The following ALS2 variants were observed in gnomAD, a reference collection of about 807,000 sequenced individuals.
ALS2 encodes alsin Rho guanine nucleotide exchange factor ALS2.
In ALS2, 117 loss-of-function variants were observed where a neutral mutation model predicts 203.4. That is an observed-to-expected ratio of 0.58 (90% CI 0.50 to 0.67). The LOEUF (loss-of-function observed/expected upper bound fraction) is 0.67, where lower values mean the gene tolerates loss of function less well. ALS2 is among the 30% of genes least tolerant of loss of function. ALS2 has a pLI of 0.00. For synonymous variants in ALS2, 718 were observed against 725.9 expected, an observed-to-expected ratio of 0.99 and a Z score of 0.17; for missense variants, 1,715 against 1,989.4, an observed-to-expected ratio of 0.86 and a Z score of 2.62.
intron 13 of ALS2, among the ~76,000 whole-genome samples, chr2:201,732,525 G>A (rs1388732936): frequency 1.3e-5 from 2 of 151,836 alleles, no homozygotes; most frequent in Admixed American, 6.6e-5. Context: ...CCAAGATTGC[G>A]CCACTGCACT....
At chr2:201,730,936 G>A (rs1410116549) in intron 13 of ALS2, among the ~76,000 whole-genome samples, 1 of 152,192 alleles carries the variant, frequency 6.6e-6, no homozygotes, top group African/African-American at 2.4e-5. Context: ...ACAATACAGT[G>A]GAAAAGGCAA....
rs377174814 is a variant in ALS2 at position 201,710,016 on chromosome 2, G to A, written c.4145C>T (p.Pro1382Leu). ...LIKACDTPLHPLGRLVETLVA... is the reference protein window; with the variant it reads ...LIKACDTPLHLLGRLVETLVA... ...CAGTGTCTCCACAAGCCTGCCCAGGGGGTGCAGAGGAGTGTCACAGGCCTG... is the reference window on the plus strand; with the variant it reads ...CAGTGTCTCCACAAGCCTGCCCAGGAGGTGCAGAGGAGTGTCACAGGCCTG... The change falls in exon 27 of 34, where the codon CCC (proline) becomes CTC (leucine). Residue 1382 changes from proline to leucine, a missense_variant. Pro to Leu is a moderately conservative substitution (Grantham distance 98). This residue lies in a region of ALS2 where 1,227 missense variants were observed against 1,413.5 expected (regional missense o/e 0.87). Coordinates refer to ENST00000264276, the MANE Select transcript of ALS2 (RefSeq NM_020919.4). The A allele has an allele frequency of 1.1e-5, 17 of 1,613,738 alleles. No homozygotes were observed. Among genetic ancestry groups the A allele is most frequent in the East Asian group, 6.7e-5 (3 of 44,894 alleles).
At chr2:201,725,507 C>T in intron 19 of ALS2, 53 bp from the exon 20 acceptor site, 2 of 1,381,954 alleles carry the variant, frequency 1.4e-6, no homozygotes. Context: ...GACATATTCA[C>T]CTTTTGTATG....
chr2:201,712,047 A>C (rs1270304445), intron 25 of ALS2, among the ~76,000 whole-genome samples: 1 of 152,196 alleles, frequency 6.6e-6, no homozygotes, highest in Non-Finnish European at 1.5e-5. Flanking sequence ...TCATGAATGA[A>C]ATACTAAAAT....
intron 1 of ALS2, among the ~76,000 whole-genome samples, chr2:201,774,362 A>G (rs1245802431): frequency 1.3e-5 from 2 of 152,200 alleles, no homozygotes; most frequent in African/African-American, 4.8e-5. Flanking sequence ...TACAGATATA[A>G]GCAGAATTAT....
chr2:201,703,456 G>A (rs1452752868), intron 33 of ALS2, among the ~76,000 whole-genome samples: 1 of 152,156 alleles, frequency 6.6e-6, no homozygotes, highest in East Asian at 1.9e-4. Flanking sequence ...GTATTCCTGT[G>A]ACAGTCACAT....
chr2:201,778,654 G>A (rs1260568663), intron 1 of ALS2, among the ~76,000 whole-genome samples: 3 of 152,050 alleles, frequency 2.0e-5, no homozygotes, highest in Non-Finnish European at 4.4e-5. Context: ...TCTTATTACA[G>A]ACAACAAAAT....
chr2:201,704,281 C>G, intron 32 of ALS2, 63 bp from the exon 33 acceptor site: 1 of 1,532,324 alleles, frequency 6.5e-7, no homozygotes, highest in Non-Finnish European at 9.0e-7. Context: ...CCTTTTGAAT[C>G]TAGTTGATGG....
intron 13 of ALS2, among the ~76,000 whole-genome samples, chr2:201,730,912 C>T (rs1315023301): frequency 6.6e-6 from 1 of 152,184 alleles, no homozygotes; most frequent in Non-Finnish European, 1.5e-5. Flanking sequence ...ACTTTTGCAC[C>T]ATCAGTGTAA....
In ALS2 at chr2:201,730,893, C is replaced by T. The variant is rs537644464; in HGVS notation, c.2581-1710G>A. ...TCCTACCAAGGAGCCAGCAGTTTTA[C>T]CCACCTTAACTTTTGCACCATCAGT... On this transcript the variant is annotated intron_variant, in intron 13 of 33. Transcript: ENST00000264276. 2.0e-5 allele frequency among the ~76,000 whole-genome samples: 3 copies of T among 152,346 alleles called. No homozygotes were observed. The East Asian group carries it at 5.8e-4, about 29-fold the overall frequency.
chr2:201,729,812 C>T (rs1335639029), intron 13 of ALS2, among the ~76,000 whole-genome samples: 6 of 128,460 alleles, frequency 4.7e-5, no homozygotes, highest in East Asian at 5.5e-4. Flanking sequence ...ACCCGGGAGG[C>T]GGAGCTTGCA....
At position 201,729,184 on chromosome 2, in the gene ALS2, C is replaced by G. The variant is rs1057524355; in HGVS notation, c.2581-1G>C. 1 of 1,612,634 alleles carries G rather than the reference C, an allele frequency of 6.2e-7. No homozygotes were observed. Among genetic ancestry groups the G allele is most frequent in the Non-Finnish European group, 8.5e-7 (1 of 1,179,634 alleles). On this transcript the variant is annotated splice_acceptor_variant, in intron 13 of 33. Transcript: ENST00000264276. LOFTEE classifies it high-confidence loss of function. ...GCAGTTTCTGATATTCTGGAGATGC[C>G]TACAGGGCAAAAATTAAAGAGGAAA...
chr2:201,733,329 G>A lies in ALS2; in HGVS notation c.2527C>T (p.Arg843Ter), dbSNP rs745657866. The A allele has an allele frequency of 8.7e-6, 14 of 1,613,680 alleles. No homozygotes were observed. The highest frequency in any genetic ancestry group is 1.1e-5 in the South Asian group (1 of 91,066). ...AAAACTTTTGCGTAATTATGAAGTCGTCTGATTGGCAAGAAAAACAAAGTA... is the reference window on the plus strand; with the variant it reads ...AAAACTTTTGCGTAATTATGAAGTCATCTGATTGGCAAGAAAAACAAAGTA... Reference protein sequence around the residue: ...LNTLFFLPIRRLHNYAKVLLK... With the variant: ...LNTLFFLPIR Residue 843 changes from arginine (R) to a stop codon, truncating the protein, a stop_gained, in exon 13 of 34, where the codon CGA becomes TGA. Transcript: ENST00000264276. LOFTEE classifies it high-confidence loss of function.
At position 201,749,789 on chromosome 2, in the gene ALS2, C is replaced by A; in HGVS notation, c.1738G>T (p.Val580Phe). Residue 580 changes from valine to phenylalanine, a missense_variant and splice_region_variant, in exon 8 of 34, where the codon GTT (valine) becomes TTT (phenylalanine). Val to Phe is a conservative substitution (Grantham distance 50). Around this residue, in one of 3 missense-constraint regions of ALS2, gnomAD observed 1,227 missense variants for 1,413.5 expected, o/e 0.87. Coordinates refer to ENST00000264276, the MANE Select transcript of ALS2 (RefSeq NM_020919.4). Reference sequence around the variant, plus strand: ...AAGGTATTGCTACCCCATGAGTAAACCTATCAAAAAAACACAGAAAAGTAG... The same window carrying A: ...AAGGTATTGCTACCCCATGAGTAAAACTATCAAAAAAACACAGAAAAGTAG... Reference protein sequence around the residue: ...HSLALTAKSQVYSWGSNTFGQ... With the variant: ...HSLALTAKSQFYSWGSNTFGQ... 1 of 1,613,628 alleles carries A rather than the reference C, an allele frequency of 6.2e-7. No individual in the cohort carries two copies. The highest frequency in any genetic ancestry group is 8.5e-7 in the Non-Finnish European group (1 of 1,179,710).
chr2:201,708,048 CA>C (rs1319301983), intron 27 of ALS2, 57 bp from the exon 28 acceptor site: 41 of 1,508,880 alleles, frequency 2.7e-5, no homozygotes, highest in Non-Finnish European at 3.7e-5. Flanking sequence ...GGTTGAAAAG[CA>C]TAAAAACACA....
intron 12 of ALS2, among the ~76,000 whole-genome samples, chr2:201,734,449 C>T (rs552082268): frequency 7.6e-5 from 11 of 144,936 alleles, no homozygotes; most frequent in East Asian, 2.0e-4. Flanking sequence ...CACACCAGCC[C>T]GGGTGACCAG....
chr2:201,725,508 C>A, intron 19 of ALS2, 54 bp from the exon 20 acceptor site: 2 of 1,366,898 alleles, frequency 1.5e-6, no homozygotes, highest in South Asian at 2.3e-5. Context: ...ACATATTCAC[C>A]TTTTGTATGT....
At chr2:201,774,645 T>C (rs796410917) in intron 1 of ALS2, among the ~76,000 whole-genome samples, 6 of 149,532 alleles carry the variant, frequency 4.0e-5, no homozygotes, top group African/African-American at 1.4e-4. Flanking sequence ...AACTATTTTC[T>C]GGATAAAGTC....
intron 9 of ALS2, among the ~76,000 whole-genome samples, chr2:201,746,046 T>C (rs1692621703): frequency 6.6e-6 from 1 of 152,192 alleles, no homozygotes; most frequent in Non-Finnish European, 1.5e-5. Flanking sequence ...TCTCATGGTC[T>C]GCCATGAGCC....
Sources: gnomAD v4.1 joint callset for allele counts (sites outside exome capture counted in the v4.1 genomes callset) on GRCh38, gnomAD v4.1.1 for gene constraint, gnomAD v4.1.1 regional missense constraint, MANE v1.5 for transcripts, NCBI Gene and HGNC (gene_info 2026-07-23, HGNC 2026-07-21) for gene names.